Variants in AUTS2 observed in about 807,000 individuals in gnomAD.
The protein encoded by AUTS2 is activator of transcription and developmental regulator AUTS2, also known as autism susceptibility gene 2 protein.
A neutral mutation model predicts 112.4 loss-of-function variants in AUTS2; 17 were observed. The ratio of observed to expected loss-of-function variants is 0.15; its 90% confidence interval spans 0.10 to 0.23. AUTS2 has a LOEUF of 0.23. AUTS2 is among the 10% of genes least tolerant of loss of function. AUTS2 has a pLI of 1.00. For missense variants in AUTS2, 1,510 were observed against 1,701.6 expected (o/e 0.89, Z 1.98); for synonymous variants, 751 against 702.7 (o/e 1.07, Z -1.09).
intron 14 of AUTS2, among the ~76,000 whole-genome samples, chr7:70,779,161 C>T (rs1296644982): frequency 1.3e-5 from 2 of 152,128 alleles, no homozygotes; most frequent in Non-Finnish European, 2.9e-5. Flanking sequence ...AGGAGGTATT[C>T]AAAAGAATTT....
intron 5 of AUTS2, among the ~76,000 whole-genome samples, chr7:70,492,942 T>C (rs1053619488): frequency 1.3e-5 from 2 of 152,220 alleles, no homozygotes; most frequent in Non-Finnish European, 2.9e-5. Flanking sequence ...TGCGTTTTTA[T>C]CCACATTATG....
intron 2 of AUTS2, among the ~76,000 whole-genome samples, chr7:69,999,635 T>C (rs902388128): frequency 6.6e-6 from 1 of 152,162 alleles, no homozygotes; most frequent in African/African-American, 2.4e-5. Flanking sequence ...TCTTGTGGGT[T>C]TGATTTGTAC....
At chr7:70,322,536 T>C (rs1025670882) in intron 4 of AUTS2, among the ~76,000 whole-genome samples, 2 of 152,206 alleles carry the variant, frequency 1.3e-5, no homozygotes, top group African/African-American at 2.4e-5. Context: ...ATAAGAAAGA[T>C]GGCTTTGGTG....
chr7:70,395,127 G>A (rs1021234473), intron 4 of AUTS2, among the ~76,000 whole-genome samples: 3 of 151,628 alleles, frequency 2.0e-5, no homozygotes, highest in African/African-American at 7.3e-5. Flanking sequence ...GGGAAGGTGG[G>A]GCAAGGACTG....
At chr7:69,762,528 C>T (rs141835217) in intron 1 of AUTS2, among the ~76,000 whole-genome samples, 11 of 151,804 alleles carry the variant, frequency 7.2e-5, no homozygotes, top group African/African-American at 2.4e-4. Flanking sequence ...AAGCTGGTCT[C>T]AAACTTCTAA....
chr7:70,168,071 A>T (rs1444511674), intron 4 of AUTS2, among the ~76,000 whole-genome samples: 1 of 152,356 alleles, frequency 6.6e-6, no homozygotes, highest in East Asian at 1.9e-4. Flanking sequence ...CTTGAACTTG[A>T]CAACTAATCA....
chr7:70,407,959 T>C (rs775677249), intron 4 of AUTS2, among the ~76,000 whole-genome samples: 12 of 149,278 alleles, frequency 8.0e-5, no homozygotes, highest in East Asian at 2.0e-4. Context: ...GAGGCTGAGA[T>C]AGGAGAATGG....
chr7:69,978,070 G>T (rs1254726600), intron 2 of AUTS2, among the ~76,000 whole-genome samples: 1 of 152,150 alleles, frequency 6.6e-6, no homozygotes, highest in East Asian at 1.9e-4. Context: ...ACATAATGTT[G>T]AGAGTATTTG....
At chr7:69,756,458 G>A (rs1787948797) in intron 1 of AUTS2, among the ~76,000 whole-genome samples, 1 of 152,204 alleles carries the variant, frequency 6.6e-6, no homozygotes, top group Non-Finnish European at 1.5e-5. Context: ...GCCTCACTCA[G>A]AAAGAAAGGA....
At chr7:70,079,220 A>G (rs1803185115) in intron 2 of AUTS2, among the ~76,000 whole-genome samples, 1 of 152,206 alleles carries the variant, frequency 6.6e-6, no homozygotes, top group Admixed American at 6.6e-5. Context: ...TTTTGTGACA[A>G]AAGGATTGTA....
intron 4 of AUTS2, among the ~76,000 whole-genome samples, chr7:70,386,457 A>G (rs1175519869): frequency 6.6e-6 from 1 of 152,168 alleles, no homozygotes; most frequent in Admixed American, 6.5e-5. Flanking sequence ...AAATTGTACA[A>G]CCATCACCAC....
At chr7:70,213,100 T>C (rs1184436029) in intron 4 of AUTS2, among the ~76,000 whole-genome samples, 2 of 152,146 alleles carry the variant, frequency 1.3e-5, no homozygotes, top group Non-Finnish European at 2.9e-5. Flanking sequence ...TGATTTGATC[T>C]TCCCACATTA....
intron 5 of AUTS2, among the ~76,000 whole-genome samples, chr7:70,547,293 C>T (rs1258969134): frequency 5.9e-5 from 9 of 152,146 alleles, no homozygotes; most frequent in African/African-American, 1.7e-4. Context: ...CTTGCTCAGT[C>T]GCCCAGGCTG....
intron 2 of AUTS2, among the ~76,000 whole-genome samples, chr7:70,103,452 G>A (rs569402944): frequency 4.6e-5 from 7 of 151,900 alleles, no homozygotes; most frequent in African/African-American, 1.4e-4. Context: ...AGGGATCCAC[G>A]TTCTAGGCTC....
At chr7:70,674,103 G>A (rs1585483561) in intron 5 of AUTS2, among the ~76,000 whole-genome samples, 4 of 152,062 alleles carry the variant, frequency 2.6e-5, no homozygotes, top group Admixed American at 6.5e-5. Context: ...ACTAAGGCCT[G>A]TTTCACAGGC....
intron 5 of AUTS2, among the ~76,000 whole-genome samples, chr7:70,444,783 A>G (rs183368718): frequency 1.3e-5 from 2 of 152,078 alleles, no homozygotes; most frequent in Non-Finnish European, 2.9e-5. Context: ...TGACTCATAT[A>G]CTTACGGAGA....
intron 2 of AUTS2, among the ~76,000 whole-genome samples, chr7:69,981,372 C>T (rs1798287247): frequency 6.6e-6 from 1 of 152,180 alleles, no homozygotes; most frequent in African/African-American, 2.4e-5. Flanking sequence ...AGTTAACATT[C>T]ACCCATGAGA....
At chr7:70,246,237 T>C (rs1341119533) in intron 4 of AUTS2, among the ~76,000 whole-genome samples, 1 of 152,092 alleles carries the variant, frequency 6.6e-6, no homozygotes, top group East Asian at 1.9e-4. Flanking sequence ...CCTGTATAGT[T>C]TGAGTCTTGT....
chr7:69,630,409 T>C (rs1044453350), intron 1 of AUTS2, among the ~76,000 whole-genome samples: 3 of 152,242 alleles, frequency 2.0e-5, no homozygotes, highest in Non-Finnish European at 2.9e-5. Context: ...GCTGTGCTTC[T>C]AAGGATGTGC....
Sources: allele counts gnomAD v4.1 joint callset (sites outside exome capture counted in the v4.1 genomes callset), GRCh38; gene constraint gnomAD v4.1.1; transcripts MANE v1.5; gene names NCBI Gene and HGNC (gene_info 2026-07-23, HGNC 2026-07-21).